The following CSMD1 variants were observed in gnomAD, a reference collection of about 807,000 sequenced individuals.
CSMD1 encodes the protein CUB and Sushi multiple domains 1.
A neutral mutation model predicts 417.5 loss-of-function variants in CSMD1; 213 were observed. The observed-to-expected ratio is 0.51, with a 90% CI of 0.46 to 0.57. The LOEUF (loss-of-function observed/expected upper bound fraction) is 0.57, where lower values mean the gene tolerates loss of function less well. Among genes scored for constraint, CSMD1 ranks in the 20% least tolerant of loss-of-function variants. The pLI is 0.00. For synonymous variants in CSMD1, 2,862 were observed against 1,736.8 expected (o/e 1.65, Z -16.11); for missense variants, 6,923 against 4,529.7 (o/e 1.53, Z -15.17).
At chr8:3,139,036 AG>A (rs901075098) in intron 41 of CSMD1, among the ~76,000 whole-genome samples, 6 of 152,198 alleles carry the variant, frequency 3.9e-5, no homozygotes, top group African/African-American at 7.2e-5. Flanking sequence ...CGCAGATTCC[AG>A]GAACACTGCA....
At chr8:3,867,810 C>G (rs889395232) in intron 5 of CSMD1, among the ~76,000 whole-genome samples, 1 of 152,102 alleles carries the variant, frequency 6.6e-6, no homozygotes, top group Non-Finnish European at 1.5e-5. Context: ...CACATTCCAA[C>G]TGACCTTCCC....
Position 4,707,753 on chromosome 8 carries a change from G to A in CSMD1, c.86-70195C>T, listed in dbSNP as rs190731253. ...AATACAAAAATTAGCCGGGCGTCGTGGCAGGCGCCTGTAATCCCAGCTACT... is the reference window on the plus strand; with the variant it reads ...AATACAAAAATTAGCCGGGCGTCGTAGCAGGCGCCTGTAATCCCAGCTACT... On this transcript the variant is annotated intron_variant, in intron 1 of 69. Transcript: ENST00000635120. 8.5e-4 allele frequency among the ~76,000 whole-genome samples: 129 copies of A among 151,952 alleles called. No homozygotes were observed. In the Middle Eastern group the frequency reaches 0.02, roughly 24 times the overall value.
chr8:4,743,251 GT>G (rs1461924977), intron 1 of CSMD1, among the ~76,000 whole-genome samples: 1 of 152,126 alleles, frequency 6.6e-6, no homozygotes, highest in Non-Finnish European at 1.5e-5. Flanking sequence ...TTTAAAATGT[GT>G]GAAAAATTTG....
At chr8:4,614,247 A>G (rs1801349707) in intron 2 of CSMD1, among the ~76,000 whole-genome samples, 1 of 152,210 alleles carries the variant, frequency 6.6e-6, no homozygotes, top group Admixed American at 6.5e-5. Context: ...TGGACCCAAG[A>G]CTAGTTCAGG....
At chr8:3,395,022 G>A (rs576899400) in intron 17 of CSMD1, among the ~76,000 whole-genome samples, 1 of 152,078 alleles carries the variant, frequency 6.6e-6, no homozygotes, top group Non-Finnish European at 1.5e-5. Flanking sequence ...GCACATAACA[G>A]GTTGTTAATT....
chr8:3,743,290 C>T (rs1796905029), intron 6 of CSMD1, among the ~76,000 whole-genome samples: 1 of 152,194 alleles, frequency 6.6e-6, no homozygotes, highest in African/African-American at 2.4e-5. Flanking sequence ...GCGAATTCTG[C>T]CTCTCTGGAG....
chr8:4,916,112 C>G (rs1488708172), intron 1 of CSMD1, among the ~76,000 whole-genome samples: 1 of 152,140 alleles, frequency 6.6e-6, no homozygotes, highest in Non-Finnish European at 1.5e-5. Flanking sequence ...GGTGCTTCAG[C>G]AGGAGTCTGA....
chr8:3,536,236 A>G (rs1798193232), intron 10 of CSMD1, among the ~76,000 whole-genome samples: 1 of 152,248 alleles, frequency 6.6e-6, no homozygotes, highest in Non-Finnish European at 1.5e-5. Flanking sequence ...ATCAATATTA[A>G]TTTATAAATG....
chr8:4,666,016 T>A (rs1378828385), intron 1 of CSMD1, among the ~76,000 whole-genome samples: 1 of 152,122 alleles, frequency 6.6e-6, no homozygotes, highest in African/African-American at 2.4e-5. Flanking sequence ...GCAGCACTTG[T>A]TGTTGTCATT....
At chr8:4,223,043 T>C (rs1801133605) in intron 3 of CSMD1, among the ~76,000 whole-genome samples, 1 of 152,086 alleles carries the variant, frequency 6.6e-6, no homozygotes, top group African/African-American at 2.4e-5. Context: ...GACAACAGGC[T>C]TCCTACATTG....
chr8:3,266,006 G>C (rs1347478218), intron 26 of CSMD1, among the ~76,000 whole-genome samples: 1 of 151,910 alleles, frequency 6.6e-6, no homozygotes, highest in African/African-American at 2.4e-5. Context: ...TATCTAATTG[G>C]CATCTTACAG....
chr8:2,975,549 C>T (rs564169465), intron 55 of CSMD1, among the ~76,000 whole-genome samples: 7 of 152,238 alleles, frequency 4.6e-5, no homozygotes, highest in East Asian at 1.9e-4. Flanking sequence ...TCATATCAGC[C>T]GTCACTTTCT....
intron 3 of CSMD1, among the ~76,000 whole-genome samples, chr8:4,229,908 T>C (rs991193748): frequency 1.1e-4 from 16 of 152,200 alleles, no homozygotes; most frequent in Admixed American, 1.0e-3. Context: ...TGATACTCAA[T>C]AATATTTGTT....
intron 1 of CSMD1, among the ~76,000 whole-genome samples, chr8:4,867,899 C>T (rs552801062): frequency 6.6e-6 from 1 of 152,112 alleles, no homozygotes; most frequent in African/African-American, 2.4e-5. Context: ...CCACAAGACA[C>T]GGAGTTGAAT....
intron 1 of CSMD1, among the ~76,000 whole-genome samples, chr8:4,751,370 G>C (rs1357029482): frequency 1.3e-5 from 2 of 151,010 alleles, no homozygotes; most frequent in Admixed American, 6.6e-5. Flanking sequence ...CAGCCTGGAC[G>C]ACAGAGCAAG....
chr8:3,009,470 C>G (rs1808215581), intron 52 of CSMD1, among the ~76,000 whole-genome samples: 1 of 152,132 alleles, frequency 6.6e-6, no homozygotes. Flanking sequence ...GCAGTAGATT[C>G]CAAAGCCAAT....
chr8:3,924,919 T>C (rs144079603), intron 5 of CSMD1, among the ~76,000 whole-genome samples: 1 of 152,308 alleles, frequency 6.6e-6, no homozygotes, highest in African/African-American at 2.4e-5. Flanking sequence ...CCATTATATT[T>C]CCTTTATTTT....
chr8:3,361,088 T>C (rs1405761284), intron 20 of CSMD1, among the ~76,000 whole-genome samples: 2 of 152,222 alleles, frequency 1.3e-5, no homozygotes, highest in African/African-American at 4.8e-5. Context: ...CCTTGAGATA[T>C]ACTTATTAAT....
At chr8:4,059,650 G>C (rs1014240395) in intron 3 of CSMD1, among the ~76,000 whole-genome samples, 1 of 152,136 alleles carries the variant, frequency 6.6e-6, no homozygotes, top group Admixed American at 6.6e-5. Context: ...TGCCATCAGA[G>C]AATACTACAA....
Sources: allele counts gnomAD v4.1 joint callset (sites outside exome capture counted in the v4.1 genomes callset), GRCh38; gene constraint gnomAD v4.1.1; transcripts MANE v1.5; gene names NCBI Gene and HGNC (gene_info 2026-07-23, HGNC 2026-07-21).